CYFIP1: variants seen among roughly 807,000 people sequenced by gnomAD.
The protein encoded by CYFIP1 is cytoplasmic FMR1-interacting protein 1.
Under a neutral mutation model 163.5 loss-of-function variants are expected in CYFIP1, and 58 were observed. The observed-to-expected ratio is 0.35, with a 90% confidence interval of 0.29 to 0.44. The LOEUF is 0.44. Among genes scored for constraint, CYFIP1 ranks in the 20% least tolerant of loss-of-function variants. The pLI, the probability that CYFIP1 is intolerant of heterozygous loss-of-function variation, is 1.00. For synonymous variants in CYFIP1, 663 were observed against 660.7 expected (o/e 1.00, Z -0.05); for missense variants, 1,338 against 1,653.8 (o/e 0.81, Z 3.31).
chr15:22,980,177 AG>A (rs376603365), intron 1 of CYFIP1, 109 bp downstream of exon 1: 8 of 108,622 alleles, frequency 7.4e-5, no homozygotes, highest in African/African-American at 1.5e-4. Flanking sequence ...GTTGGGGGGG[AG>A]GGGGGGGTCC....
chr15:22,919,120 A>T (rs1393639647), intron 13 of CYFIP1, among the ~76,000 whole-genome samples: 1 of 152,206 alleles, frequency 6.6e-6, no homozygotes, highest in African/African-American at 2.4e-5. Flanking sequence ...CATCCACCCC[A>T]GCACACCCTC....
intron 3 of CYFIP1, among the ~76,000 whole-genome samples, chr15:22,945,597 C>T (rs60080330): frequency 0.24 from 35,490 of 148,324 alleles, 4,753 homozygotes; most frequent in Middle Eastern, 0.34. Flanking sequence ...TTTTTTGAGA[C>T]GAGTCTTGCT....
intron 23 of CYFIP1, among the ~76,000 whole-genome samples, chr15:22,889,278 A>G (rs1277306100): frequency 6.6e-6 from 1 of 152,184 alleles, no homozygotes; most frequent in East Asian, 1.9e-4. Flanking sequence ...CATTCCCTGG[A>G]GCCATCCCTG....
At chr15:22,942,592 C>T (rs113670727) in intron 6 of CYFIP1, among the ~76,000 whole-genome samples, 3,683 of 152,298 alleles carry the variant, frequency 0.024, 65 homozygotes, top group Non-Finnish European at 0.035. Flanking sequence ...GCTCGTCTTG[C>T]CAGCCTCTCC....
At chr15:22,937,348 G>A (rs2061743383) in intron 8 of CYFIP1, 140 bp from the exon 9 acceptor site, 8 of 604,256 alleles carry the variant, frequency 1.3e-5, no homozygotes. Context: ...TAGGCTGCTT[G>A]TCTGGTGCTT....
Position 22,926,501 on chromosome 15 carries a change from A to G in CYFIP1, c.1234-394T>C, listed in dbSNP as rs572922981. 7.2e-5 allele frequency among the ~76,000 whole-genome samples: 11 copies of G among 152,312 alleles called. No homozygotes were observed. In the South Asian group the frequency reaches 2.1e-3, roughly 29 times the overall value. The stretch of plus-strand genomic sequence containing the variant: ...AGCCTGAGCAATATAGTGAGGCCTC[A>G]TCTCTACAAAAAATAAAATAATAAG... On this transcript the variant is annotated intron_variant, in intron 12 of 30. Coordinates refer to ENST00000617928, the MANE Select transcript of CYFIP1 (RefSeq NM_014608.6).
chr15:22,910,455 C>G (rs1027264490), intron 20 of CYFIP1, 65 bp downstream of exon 20: 133 of 1,391,142 alleles, frequency 9.6e-5, no homozygotes, highest in Middle Eastern at 5.8e-4. Context: ...CCACCGCACC[C>G]AGCCGAAAAC....
Position 22,924,076 on chromosome 15 carries a change from A to ATAT in CYFIP1, c.1359+1903_1359+1905dup, listed in dbSNP as rs2061282138. ...CAATGTAACATATCCATGTAATGCA[A>ATAT]TATTATTCAGCAATAAACAGAACAA... On this transcript the variant is annotated intron_variant, in intron 13 of 30. Coordinates refer to ENST00000617928, the MANE Select transcript of CYFIP1 (RefSeq NM_014608.6). Among the ~76,000 whole-genome samples, 3 of 152,276 alleles carry ATAT rather than the reference A, an allele frequency of 2.0e-5. No homozygotes were observed. The South Asian group carries it at 6.2e-4, about 32-fold the overall frequency.
rs1175410137 is a variant in CYFIP1 at position 22,873,706 on chromosome 15, C to T, written c.3234G>A (p.Gly1078=). 2 of 1,613,320 alleles carry T rather than the reference C, an allele frequency of 1.2e-6. No individual in the cohort carries two copies. Among genetic ancestry groups the T allele is most frequent in the Non-Finnish European group, 1.7e-6 (2 of 1,179,398 alleles). Residue 1078 remains glycine (G), a synonymous_variant, in exon 29 of 31, where the codon GGG becomes GGA. Transcript: ENST00000617928. ...AGAGGCGCTCCTTTGTCAGCAGGTC[C>T]CCCTCTCTTGCGATGGCAATTTGCT... ...TPQQIAIARE[G]DLLTKERLCC... is the part of the protein sequence containing the mutation.
chr15:22,882,877 G>T lies in CYFIP1; in HGVS notation c.2811C>A (p.Val937=). ...TCCAGGGAACACTCACCAGGCTCTT[G>T]ACGACCTTCAGCAGCTCCTCCATGA... The part of the protein sequence containing the change: ...AVVMEELLKV[V]KSLLQGTILQ... Residue 937 remains valine (V), a synonymous_variant, in exon 24 of 31, where the codon GTC becomes GTA. Transcript: ENST00000617928. 1 of 1,613,302 alleles carries T rather than the reference G, an allele frequency of 6.2e-7. No individual in the cohort carries two copies. The highest frequency in any genetic ancestry group is 1.1e-5 in the South Asian group (1 of 91,014).
At chr15:22,894,278 C>CTTTTTTTTTTTTTTTTTTTTTTTTTT (rs57603773) in intron 22 of CYFIP1, among the ~76,000 whole-genome samples, 1 of 65,456 alleles carries the variant, frequency 1.5e-5, no homozygotes, top group Non-Finnish European at 2.8e-5. Context: ...GCAGACTTTT[C>CTTTTTTTTTTTTTTTTTTTTTTTTTT]TTTTTTTTTT....
chr15:22,961,681 T>G (rs2062687449), intron 1 of CYFIP1, among the ~76,000 whole-genome samples: 1 of 152,154 alleles, frequency 6.6e-6, no homozygotes, highest in African/African-American at 2.4e-5. Flanking sequence ...TCCCCCTGCC[T>G]GTTTTTCTTC....
chr15:22,875,775 C>T (rs1387675760), intron 26 of CYFIP1, among the ~76,000 whole-genome samples: 1 of 151,320 alleles, frequency 6.6e-6, no homozygotes, highest in Non-Finnish European at 1.5e-5. Context: ...TCCACTCATT[C>T]CCTACAGAGC....
intron 1 of CYFIP1, among the ~76,000 whole-genome samples, chr15:22,967,773 CTCCTGTAA>C (rs1376741722): frequency 5.9e-5 from 9 of 152,138 alleles, no homozygotes; most frequent in African/African-American, 2.2e-4. Context: ...GGCATGGTGG[CTCCTGTAA>C]TCCCAGCACT....
chr15:22,934,423 G>C (rs1365941205), intron 9 of CYFIP1, among the ~76,000 whole-genome samples: 3 of 144,016 alleles, frequency 2.1e-5, no homozygotes, highest in African/African-American at 7.7e-5. Context: ...CTGACCTCGT[G>C]ATCTACCCAC....
At position 22,872,278 on chromosome 15, in the gene CYFIP1, A is replaced by G. The variant is rs1189213662; in HGVS notation, c.3597+547T>C. 3.4e-5 allele frequency among the ~76,000 whole-genome samples: 5 copies of G among 146,596 alleles called. 1 individual carries two copies. Among genetic ancestry groups the G allele is most frequent in the African/African-American group, 1.0e-4 (4 of 39,800 alleles). ...GCATTGCACCCCAGCCTGAGCAACA[A>G]GAGCGAAACTGTCTCAAAAAAAAAA... On this transcript the variant is annotated intron_variant, in intron 30 of 30. Coordinates refer to ENST00000617928, the MANE Select transcript of CYFIP1 (RefSeq NM_014608.6).
chr15:22,948,901 T>C (rs2062150882), intron 1 of CYFIP1, among the ~76,000 whole-genome samples: 1 of 150,604 alleles, frequency 6.6e-6, no homozygotes, highest in Non-Finnish European at 1.5e-5. Flanking sequence ...GAAAAAAAGA[T>C]TGAAAAAATT....
chr15:22,882,208 G>A (rs776246920), intron 24 of CYFIP1, among the ~76,000 whole-genome samples: 2 of 152,178 alleles, frequency 1.3e-5, no homozygotes, highest in Non-Finnish European at 2.9e-5. Context: ...GAGCTTTGTC[G>A]CCAGGTGTCT....
chr15:22,880,159 A>G, intron 25 of CYFIP1, 116 bp from the exon 26 acceptor site: 1 of 1,402,470 alleles, frequency 7.1e-7, no homozygotes, highest in African/African-American at 1.4e-5. Context: ...CCTGGCTATA[A>G]GGACAGCCAC....
Sources: gnomAD v4.1 joint callset for allele counts (sites outside exome capture counted in the v4.1 genomes callset) on GRCh38, gnomAD v4.1.1 for gene constraint, MANE v1.5 for transcripts, NCBI Gene and HGNC (gene_info 2026-07-23, HGNC 2026-07-21) for gene names.